SLC9A2: variants seen among roughly 807,000 people sequenced by gnomAD.
The protein encoded by SLC9A2 is sodium/hydrogen exchanger 2.
In SLC9A2, 42 loss-of-function variants were observed where a neutral mutation model predicts 71.7. That is an observed-to-expected ratio of 0.59 (90% CI 0.46 to 0.76). SLC9A2 has a LOEUF of 0.76. SLC9A2 is among the 30% of genes least tolerant of loss of function. The pLI is 0.00. For synonymous variants in SLC9A2, 396 were observed against 392.5 expected (o/e 1.01, Z -0.10); for missense variants, 829 against 1,017.4 (o/e 0.81, Z 2.52).
chr2:102,649,613 A>ACAAATTT, intron 1 of SLC9A2, among the ~76,000 whole-genome samples: 1 of 151,876 alleles, frequency 6.6e-6, no homozygotes, highest in South Asian at 2.1e-4. Context: ...AGGAACTTAA[A>ACAAATTT]CAAATTTACA....
At chr2:102,670,463 ATT>A (rs1298773022) in intron 3 of SLC9A2, among the ~76,000 whole-genome samples, 1 of 152,042 alleles carries the variant, frequency 6.6e-6, no homozygotes, top group Non-Finnish European at 1.5e-5. Context: ...GATTAGTTTC[ATT>A]CTTATGAATA....
At chr2:102,687,167 C>T (rs1018017171) in intron 5 of SLC9A2, among the ~76,000 whole-genome samples, 5 of 152,134 alleles carry the variant, frequency 3.3e-5, no homozygotes, top group African/African-American at 1.2e-4. Flanking sequence ...CTTTTCTCTG[C>T]CTACCCTTCT....
chr2:102,704,921 G>T (rs1160678738), intron 10 of SLC9A2, among the ~76,000 whole-genome samples: 1 of 152,112 alleles, frequency 6.6e-6, no homozygotes, highest in South Asian at 2.1e-4. Flanking sequence ...TGGGCCGGTC[G>T]TGGTGGCTCA....
In SLC9A2 at chr2:102,619,838, C is replaced by G; in HGVS notation, c.-11C>G. 1.3e-6 allele frequency: 2 copies of G among 1,483,900 alleles called. No homozygotes were observed. Among genetic ancestry groups the G allele is most frequent in the Non-Finnish European group, 8.9e-7 (1 of 1,118,680 alleles). The allele number at this position is 1,483,900 out of a possible 1,614,324, so 91.9% of individuals were successfully genotyped here. On this transcript the variant is annotated 5_prime_UTR_variant, in exon 1 of 12. Transcript: ENST00000233969. This position sits in a 1 kb window ranked among gnomAD's most constrained non-coding sequence, Gnocchi z 4.3. Reference sequence around the variant, plus strand: ...AACCGCCGGTCCCCTTGGCGGCAACCGGCGGCACCCATGGAACCACTGGGC... The same window carrying G: ...AACCGCCGGTCCCCTTGGCGGCAACGGGCGGCACCCATGGAACCACTGGGC...
intron 7 of SLC9A2, chr2:102,697,391 A>G (rs976295245): frequency 6.6e-6 from 1 of 151,916 alleles, no homozygotes; most frequent in Non-Finnish European, 1.5e-5. Flanking sequence ...TGCCCTAAGC[A>G]CACATCCAAA....
At chr2:102,692,456 C>T (rs1199997058) in intron 5 of SLC9A2, among the ~76,000 whole-genome samples, 1 of 152,154 alleles carries the variant, frequency 6.6e-6, no homozygotes, top group Non-Finnish European at 1.5e-5. Context: ...TATATAGCTA[C>T]CCTCTGTCCC....
chr2:102,694,654 A>G, intron 6 of SLC9A2, 151 bp downstream of exon 6: 1 of 445,390 alleles, frequency 2.2e-6, no homozygotes, highest in Non-Finnish European at 4.1e-6. Context: ...TTGCTGGGGG[A>G]GTATAGAATA....
chr2:102,691,407 T>C (rs1677659447), intron 5 of SLC9A2, among the ~76,000 whole-genome samples: 1 of 152,168 alleles, frequency 6.6e-6, no homozygotes, highest in Non-Finnish European at 1.5e-5. Flanking sequence ...TAAGGTGCTT[T>C]CTTGGTCTTT....
At chr2:102,645,625 A>G (rs1558705842) in intron 1 of SLC9A2, among the ~76,000 whole-genome samples, 1 of 152,132 alleles carries the variant, frequency 6.6e-6, no homozygotes, top group African/African-American at 2.4e-5. Context: ...GATGGAGCTG[A>G]AAATCACAGC....
intron 1 of SLC9A2, among the ~76,000 whole-genome samples, chr2:102,639,492 G>T (rs1033546813): frequency 3.3e-5 from 5 of 152,198 alleles, no homozygotes; most frequent in African/African-American, 4.8e-5. Context: ...ACTGCATGGT[G>T]ACCATGCCTA....
chr2:102,670,849 C>CTTTTTTTTTTTTTTTTT (rs10687841), intron 3 of SLC9A2, among the ~76,000 whole-genome samples: 1 of 75,892 alleles, frequency 1.3e-5, no homozygotes, highest in African/African-American at 4.8e-5. Context: ...GGAAGGCATG[C>CTTTTTTTTTTTTTTTTT]TTTTTTTTTT....
At chr2:102,625,937 A>T (rs1278835933) in intron 1 of SLC9A2, among the ~76,000 whole-genome samples, 2 of 152,200 alleles carry the variant, frequency 1.3e-5, no homozygotes, top group East Asian at 1.9e-4. Flanking sequence ...AGTCCCACCA[A>T]CAGTGTAAAA....
Position 102,711,054 on chromosome 2 carries a change from C to T in SLC9A2, c.*2565C>T, listed in dbSNP as rs775596982. On this transcript the variant is annotated 3_prime_UTR_variant, in exon 12 of 12. Transcript: ENST00000233969. ...AGCATGTGTTTTGTGTATATGCTCA[C>T]AAAATGTCTGTGAAGAGATTTCTTT... 2.6e-5 allele frequency: 4 copies of T among 152,300 alleles called. No individual in the cohort carries two copies. Among genetic ancestry groups the T allele is most frequent in the Non-Finnish European group, 5.9e-5 (4 of 68,034 alleles). 9.4% of individuals were successfully genotyped at this position (152,300 alleles called of 1,614,324 possible).
At chr2:102,674,899 CA>C (rs1057482706) in intron 3 of SLC9A2, among the ~76,000 whole-genome samples, 2 of 152,114 alleles carry the variant, frequency 1.3e-5, no homozygotes, top group African/African-American at 4.8e-5. Flanking sequence ...ACCAGGGTCA[CA>C]GAGAAATCGA....
intron 3 of SLC9A2, among the ~76,000 whole-genome samples, chr2:102,667,551 G>A (rs1342742079): frequency 6.6e-6 from 1 of 152,164 alleles, no homozygotes; most frequent in Non-Finnish European, 1.5e-5. Flanking sequence ...TGATGGAAGG[G>A]TTGGAAGGCC....
At position 102,705,938 on chromosome 2, in the gene SLC9A2, T is replaced by C. The variant is rs1236550253; in HGVS notation, c.2068+2T>C. On this transcript the variant is annotated splice_donor_variant, in intron 11 of 11. Coordinates refer to ENST00000233969, the MANE Select transcript of SLC9A2 (RefSeq NM_003048.6). LOFTEE classifies it high-confidence loss of function. Reference sequence around the variant, plus strand: ...AGAGGAGGACTATTTCTATTGCAGGTAGTGAATATAGTTGGAGCAGAAAAA... The same window carrying C: ...AGAGGAGGACTATTTCTATTGCAGGCAGTGAATATAGTTGGAGCAGAAAAA... 3.2e-6 allele frequency: 5 copies of C among 1,543,744 alleles called. No homozygotes were observed. Among genetic ancestry groups the C allele is most frequent in the Non-Finnish European group, 4.4e-6 (5 of 1,132,234 alleles).
chr2:102,650,261 T>G (rs574900527), intron 1 of SLC9A2, among the ~76,000 whole-genome samples: 1 of 151,752 alleles, frequency 6.6e-6, no homozygotes, highest in African/African-American at 2.4e-5. Flanking sequence ...TAAGTGGGAG[T>G]TGAACAATGA....
chr2:102,625,601 G>A (rs1325225867), intron 1 of SLC9A2, among the ~76,000 whole-genome samples: 3 of 151,834 alleles, frequency 2.0e-5, no homozygotes, highest in Non-Finnish European at 4.4e-5. Flanking sequence ...ATAGTTTGCT[G>A]AGAATGATGG....
intron 3 of SLC9A2, among the ~76,000 whole-genome samples, chr2:102,681,762 A>G (rs1409625370): frequency 1.3e-5 from 2 of 152,258 alleles, no homozygotes; most frequent in African/African-American, 4.8e-5. Flanking sequence ...GTGACATGGT[A>G]GCTCAGTGTG....
Sources: allele counts gnomAD v4.1 joint callset (sites outside exome capture counted in the v4.1 genomes callset), GRCh38; gene constraint gnomAD v4.1.1; non-coding constraint Gnocchi (gnomAD v3.1); transcripts MANE v1.5; gene names NCBI Gene and HGNC (gene_info 2026-07-23, HGNC 2026-07-21).